Variants in MEOX2 observed in about 807,000 individuals in gnomAD.
MEOX2 encodes homeobox protein MOX-2.
MEOX2 carries 11 observed loss-of-function variants against 27.0 expected under a neutral mutation model. The observed-to-expected ratio is 0.41, with a 90% CI of 0.26 to 0.68. The LOEUF (loss-of-function observed/expected upper bound fraction) is 0.68. Among genes scored for constraint, MEOX2 ranks in the 30% least tolerant of loss-of-function variants. The pLI is 0.33. For missense variants in MEOX2, 436 were observed against 385.4 expected (o/e 1.13, Z -1.10); for synonymous variants, 189 against 155.4 (o/e 1.22, Z -1.61).
At chr7:15,636,364 A>G (rs567288253) in intron 1 of MEOX2, among the ~76,000 whole-genome samples, 9 of 152,150 alleles carry the variant, frequency 5.9e-5, no homozygotes, top group African/African-American at 1.9e-4. Flanking sequence ...TAATAAACAA[A>G]TTATAAACAA....
Position 15,670,105 on chromosome 7 carries a change from A to G in MEOX2, c.517+15781T>C, listed in dbSNP as rs541467020. Among the ~76,000 whole-genome samples the G allele has an allele frequency of 5.9e-5, 9 of 152,184 alleles. 1 individual carries two copies. The South Asian group carries it at 1.9e-3, about 32-fold the overall frequency. On this transcript the variant is annotated intron_variant, in intron 1 of 2. Coordinates refer to ENST00000262041, the MANE Select transcript of MEOX2 (RefSeq NM_005924.5). ...TTTTCTTACATTAACTTCCATTGTTATGTTGTGCTTTACCTCATTTTAATT... is the reference window on the plus strand; with the variant it reads ...TTTTCTTACATTAACTTCCATTGTTGTGTTGTGCTTTACCTCATTTTAATT...
intron 1 of MEOX2, among the ~76,000 whole-genome samples, chr7:15,634,093 A>G (rs915571148): frequency 2.6e-5 from 4 of 151,942 alleles, no homozygotes; most frequent in African/African-American, 7.2e-5. Flanking sequence ...ACATGTTTAC[A>G]TAGAAAAGTA....
intron 1 of MEOX2, among the ~76,000 whole-genome samples, chr7:15,646,884 C>T (rs1781659038): frequency 6.6e-6 from 1 of 151,888 alleles, no homozygotes; most frequent in Non-Finnish European, 1.5e-5. Context: ...CTTCAAGACA[C>T]TATATTGGCT....
intron 1 of MEOX2, among the ~76,000 whole-genome samples, chr7:15,636,500 A>G (rs1190362342): frequency 6.6e-6 from 1 of 152,070 alleles, no homozygotes; most frequent in Non-Finnish European, 1.5e-5. Flanking sequence ...GTGATCTGTT[A>G]CATGATTGTA....
intron 1 of MEOX2, among the ~76,000 whole-genome samples, chr7:15,669,473 G>T (rs529683252): frequency 3.9e-5 from 6 of 152,264 alleles, no homozygotes; most frequent in East Asian, 1.9e-4. Context: ...CTAATGTGTA[G>T]CGTTAATACT....
chr7:15,632,133 C>T (rs1583752060), intron 1 of MEOX2, among the ~76,000 whole-genome samples: 1 of 151,796 alleles, frequency 6.6e-6, no homozygotes, highest in South Asian at 2.1e-4. Context: ...ATAAAATTTC[C>T]TTGGCATTGC....
At chr7:15,643,270 G>C (rs992740965) in intron 1 of MEOX2, among the ~76,000 whole-genome samples, 2 of 152,160 alleles carry the variant, frequency 1.3e-5, no homozygotes, top group African/African-American at 2.4e-5. Context: ...CTGGTGAAGG[G>C]TGGGGCTGGG....
At position 15,668,025 on chromosome 7, in the gene MEOX2, G is replaced by A. The variant is rs570910522; in HGVS notation, c.517+17861C>T. ...TTTAAATTTCTTATTGGTTTAATTCGTTTTTCTCACATCCCGAGTTTTCAA... is the reference window on the plus strand; with the variant it reads ...TTTAAATTTCTTATTGGTTTAATTCATTTTTCTCACATCCCGAGTTTTCAA... On this transcript the variant is annotated intron_variant, in intron 1 of 2. Coordinates refer to ENST00000262041, the MANE Select transcript of MEOX2 (RefSeq NM_005924.5). 3.9e-5 allele frequency: 6 copies of A among 152,204 alleles called. No individual in the cohort carries two copies. The South Asian group carries it at 1.0e-3, about 26-fold the overall frequency. 9.4% of individuals were successfully genotyped at this position (152,204 alleles called of 1,614,324 possible).
intron 1 of MEOX2, among the ~76,000 whole-genome samples, chr7:15,652,628 G>C (rs1444197303): frequency 1.3e-5 from 2 of 151,918 alleles, no homozygotes; most frequent in Non-Finnish European, 2.9e-5. Flanking sequence ...TTTTTATTTT[G>C]AGATAGTTGT....
At chr7:15,621,666 G>A (rs544572045) in intron 2 of MEOX2, among the ~76,000 whole-genome samples, 6 of 152,206 alleles carry the variant, frequency 3.9e-5, no homozygotes, top group East Asian at 1.9e-4. Flanking sequence ...TATACTGATC[G>A]GTGATATAAG....
intron 1 of MEOX2, among the ~76,000 whole-genome samples, chr7:15,676,737 A>G (rs1317812224): frequency 6.6e-6 from 1 of 151,988 alleles, no homozygotes; most frequent in Non-Finnish European, 1.5e-5. Context: ...GGGCGCCTGT[A>G]GTCCCAGCTA....
rs762144203 is a variant in MEOX2 at position 15,685,990 on chromosome 7, G to C, written c.413C>G (p.Thr138Ser). The C allele has an allele frequency of 2.5e-6, 4 of 1,609,840 alleles. No homozygotes were observed. In the Admixed American group the frequency reaches 5.0e-5, roughly 20 times the overall value. ...CGGCGCGCACGCGGCCCCAGTCGGG[G>C]TGCTGGAGCCCAAGCTGGAAGAGTT... ...CSNSSSLGSSTPTGAACAPGD... is the reference protein window; with the variant it reads ...CSNSSSLGSSSPTGAACAPGD... Residue 138 changes from threonine (T) to serine (S), a missense_variant, in exon 1 of 3, where the codon ACC (threonine) becomes AGC (serine). Coordinates refer to ENST00000262041, the MANE Select transcript of MEOX2 (RefSeq NM_005924.5).
intron 1 of MEOX2, among the ~76,000 whole-genome samples, chr7:15,673,008 C>A (rs1003096464): frequency 2.6e-5 from 4 of 152,204 alleles, no homozygotes; most frequent in African/African-American, 9.7e-5. Context: ...ATTGCCCAAG[C>A]ATCTTCGAAA....
intron 1 of MEOX2, among the ~76,000 whole-genome samples, chr7:15,653,144 T>C (rs1182799761): frequency 1.6e-5 from 2 of 127,388 alleles, no homozygotes; most frequent in Non-Finnish European, 3.6e-5. Context: ...CCATCATGTG[T>C]TAGAATCACC....
intron 1 of MEOX2, among the ~76,000 whole-genome samples, chr7:15,683,276 C>T (rs1293614620): frequency 1.3e-5 from 2 of 151,946 alleles, no homozygotes; most frequent in Non-Finnish European, 2.9e-5. Flanking sequence ...GAATTTTGGT[C>T]CTGACTTTAC....
chr7:15,621,108 C>T (rs1781216794), intron 2 of MEOX2, among the ~76,000 whole-genome samples: 2 of 152,250 alleles, frequency 1.3e-5, no homozygotes. Context: ...TACCTTGAAA[C>T]TGGAGAGCCT....
At chr7:15,632,037 A>G (rs1242098644) in intron 1 of MEOX2, among the ~76,000 whole-genome samples, 5 of 151,810 alleles carry the variant, frequency 3.3e-5, no homozygotes, top group South Asian at 2.1e-4. Flanking sequence ...TTGCAAACAC[A>G]TATCTCAGAA....
chr7:15,637,689 T>C (rs1284011228), intron 1 of MEOX2, among the ~76,000 whole-genome samples: 1 of 152,076 alleles, frequency 6.6e-6, no homozygotes, highest in Non-Finnish European at 1.5e-5. Context: ...CTTGTACAGT[T>C]CTGTTTACAA....
At chr7:15,666,315 T>C (rs1782003207) in intron 1 of MEOX2, among the ~76,000 whole-genome samples, 1 of 152,174 alleles carries the variant, frequency 6.6e-6, no homozygotes, top group African/African-American at 2.4e-5. Context: ...ATAAAGCTTA[T>C]ATATATTTAA....
Sources: gnomAD v4.1 joint callset for allele counts (sites outside exome capture counted in the v4.1 genomes callset) on GRCh38, gnomAD v4.1.1 for gene constraint, MANE v1.5 for transcripts, NCBI Gene and HGNC (gene_info 2026-07-23, HGNC 2026-07-21) for gene names.